Variants in TTC29 observed in about 807,000 individuals in gnomAD.
The protein encoded by TTC29 is tetratricopeptide repeat domain 29, also known as tetratricopeptide repeat protein 29.
In TTC29, 49 loss-of-function variants were observed where a neutral mutation model predicts 58.1. That is an observed-to-expected ratio of 0.84 (90% CI 0.67 to 1.07). The LOEUF (loss-of-function observed/expected upper bound fraction) is 1.07, where lower values mean the gene tolerates loss of function less well. TTC29 is among the 50% of genes least tolerant of loss of function. The pLI is 0.00. For missense variants in TTC29, 582 were observed against 555.6 expected (o/e 1.05, Z -0.48); for synonymous variants, 209 against 196.8 (o/e 1.06, Z -0.52).
chr4:146,730,326 G>A (rs556424885), intron 11 of TTC29, among the ~76,000 whole-genome samples: 1 of 152,166 alleles, frequency 6.6e-6, no homozygotes, highest in Non-Finnish European at 1.5e-5. Context: ...GTATGATTTT[G>A]GCCACTCTAA....
chr4:146,781,046 A>T (rs1037623861), intron 11 of TTC29, among the ~76,000 whole-genome samples: 3 of 152,088 alleles, frequency 2.0e-5, no homozygotes, highest in Non-Finnish European at 4.4e-5. Flanking sequence ...ATTATACTTC[A>T]TCACTCCTTT....
At chr4:146,847,994 C>T (rs1361571512) in intron 8 of TTC29, among the ~76,000 whole-genome samples, 1 of 152,108 alleles carries the variant, frequency 6.6e-6, no homozygotes, top group Non-Finnish European at 1.5e-5. Context: ...CCTTTTCCTC[C>T]CCTATGCATT....
intron 8 of TTC29, among the ~76,000 whole-genome samples, chr4:146,850,113 T>C (rs914832090): frequency 1.3e-5 from 2 of 152,260 alleles, no homozygotes; most frequent in Non-Finnish European, 2.9e-5. Flanking sequence ...CAAAGATGTC[T>C]GTCTGCATTG....
intron 11 of TTC29, among the ~76,000 whole-genome samples, chr4:146,778,297 G>A (rs546726641): frequency 1.4e-3 from 210 of 151,348 alleles, no homozygotes; most frequent in African/African-American, 4.7e-3. Flanking sequence ...GCTCTATTTC[G>A]TTAATTTTGA....
intron 5 of TTC29, among the ~76,000 whole-genome samples, chr4:146,905,385 T>C (rs1340671825): frequency 6.7e-6 from 1 of 150,132 alleles, no homozygotes; most frequent in Non-Finnish European, 1.5e-5. Flanking sequence ...TATATTTTAG[T>C]AATTAAACCT....
chr4:146,839,060 A>G (rs552916244), intron 8 of TTC29, among the ~76,000 whole-genome samples: 6 of 152,064 alleles, frequency 3.9e-5, no homozygotes, highest in African/African-American at 1.4e-4. Context: ...ACCACTGTAG[A>G]GTCACACAGA....
Position 146,874,658 on chromosome 4 carries a change from G to T in TTC29, c.799+58C>A, listed in dbSNP as rs553322834. ...CTTGACGATTTTTACTTCACTCTTG[G>T]GAGAAACAGTGTCTACCCATTAAAG... On this transcript the variant is annotated intron_variant, in intron 7 of 12. Transcript: ENST00000325106. 4.9e-4 allele frequency: 668 copies of T among 1,355,144 alleles called. 2 individuals carry two copies. Among genetic ancestry groups the T allele is most frequent in the South Asian group, 6.5e-4 (52 of 79,480 alleles). The allele number at this position is 1,355,144 out of a possible 1,614,324, so 83.9% of individuals were successfully genotyped here. A position where few individuals can be genotyped will look rare whatever the true frequency, so the allele number is the denominator to read the frequency against.
chr4:146,730,515 A>G (rs1037046642), intron 11 of TTC29, among the ~76,000 whole-genome samples: 2 of 152,204 alleles, frequency 1.3e-5, no homozygotes. Context: ...CAAATAGCAA[A>G]AAGAAGAAAT....
At chr4:146,875,534 G>A (rs1224798610) in intron 6 of TTC29, among the ~76,000 whole-genome samples, 2 of 151,906 alleles carry the variant, frequency 1.3e-5, no homozygotes, top group African/African-American at 2.4e-5. Context: ...ACTCAGGCTG[G>A]AGTGCAGTGG....
At chr4:146,832,377 T>C (rs1023688339) in intron 9 of TTC29, among the ~76,000 whole-genome samples, 1 of 152,222 alleles carries the variant, frequency 6.6e-6, no homozygotes, top group African/African-American at 2.4e-5. Context: ...TGGTCTTCCA[T>C]GGACTAGTTA....
chr4:146,768,321 C>A (rs1240793581), intron 11 of TTC29, among the ~76,000 whole-genome samples: 1 of 151,894 alleles, frequency 6.6e-6, no homozygotes, highest in Non-Finnish European at 1.5e-5. Context: ...TAGCTATCCC[C>A]ATCAGCTAAA....
chr4:146,803,290 A>G (rs1561139472), intron 11 of TTC29, among the ~76,000 whole-genome samples, 167 bp downstream of exon 11: 2 of 152,224 alleles, frequency 1.3e-5, no homozygotes, highest in East Asian at 3.8e-4. Flanking sequence ...TCAAAGGTAT[A>G]ATTTAGCACA....
intron 11 of TTC29, among the ~76,000 whole-genome samples, chr4:146,782,096 C>A (rs1292615470): frequency 6.6e-6 from 1 of 151,636 alleles, no homozygotes; most frequent in Non-Finnish European, 1.5e-5. Context: ...TCTAGAGGTG[C>A]AACAACCTAT....
intron 4 of TTC29, among the ~76,000 whole-genome samples, chr4:146,927,768 G>A (rs1228918674): frequency 6.6e-6 from 1 of 152,156 alleles, no homozygotes; most frequent in African/African-American, 2.4e-5. Context: ...GTTGAAGCTG[G>A]AAGATAAAAG....
intron 11 of TTC29, among the ~76,000 whole-genome samples, chr4:146,773,757 T>C (rs539290229): frequency 6.6e-6 from 1 of 152,114 alleles, no homozygotes; most frequent in African/African-American, 2.4e-5. Context: ...TCTCATAGAA[T>C]GAATAAGTGA....
At chr4:146,739,130 A>G (rs1445826530) in intron 11 of TTC29, among the ~76,000 whole-genome samples, 1 of 152,240 alleles carries the variant, frequency 6.6e-6, no homozygotes, top group Admixed American at 6.5e-5. Context: ...TTTAAAGTCT[A>G]TTACATTGGA....
chr4:146,890,195 G>A (rs1732258312), intron 6 of TTC29, among the ~76,000 whole-genome samples: 1 of 152,130 alleles, frequency 6.6e-6, no homozygotes, highest in Non-Finnish European at 1.5e-5. Flanking sequence ...CAAACTCAAG[G>A]CGTCAGGAGG....
At chr4:146,932,370 A>G (rs1735402724) in intron 4 of TTC29, among the ~76,000 whole-genome samples, 1 of 152,170 alleles carries the variant, frequency 6.6e-6, no homozygotes, top group Non-Finnish European at 1.5e-5. Flanking sequence ...CTCCATAGAG[A>G]ATTTATTACT....
At chr4:146,889,059 T>G (rs1237446395) in intron 6 of TTC29, among the ~76,000 whole-genome samples, 1 of 152,186 alleles carries the variant, frequency 6.6e-6, no homozygotes, top group Non-Finnish European at 1.5e-5. Context: ...AGATATACAT[T>G]CAACATCTAT....
Sources: gnomAD v4.1 joint callset for allele counts (sites outside exome capture counted in the v4.1 genomes callset) on GRCh38, gnomAD v4.1.1 for gene constraint, MANE v1.5 for transcripts, NCBI Gene and HGNC (gene_info 2026-07-23, HGNC 2026-07-21) for gene names.